The following KCND2 variants were observed in gnomAD, a reference collection of about 807,000 sequenced individuals.
The protein encoded by KCND2 is potassium voltage-gated channel subfamily D member 2.
In KCND2, 16 loss-of-function variants were observed where a neutral mutation model predicts 54.4. The ratio of observed to expected loss-of-function variants is 0.29; its 90% confidence interval spans 0.20 to 0.45. KCND2 has a LOEUF of 0.45. Ranked by LOEUF, KCND2 falls within the 20% of genes least tolerant of loss-of-function variation. The pLI is 1.00. For synonymous variants in KCND2, 317 were observed against 310.7 expected, an observed-to-expected ratio of 1.02 and a Z score of -0.21; for missense variants, 486 against 824.2, an observed-to-expected ratio of 0.59 and a Z score of 5.02.
intron 1 of KCND2, among the ~76,000 whole-genome samples, chr7:120,479,126 A>C (rs1301844648): frequency 6.6e-6 from 1 of 152,200 alleles, no homozygotes; most frequent in East Asian, 1.9e-4. Flanking sequence ...GTAGTGTTGC[A>C]GATGTGTTGT....
At chr7:120,411,179 A>G (rs1340072760) in intron 1 of KCND2, among the ~76,000 whole-genome samples, 1 of 152,002 alleles carries the variant, frequency 6.6e-6, no homozygotes, top group Non-Finnish European at 1.5e-5. Context: ...GAGTGTTTTA[A>G]TAATTTATCT....
chr7:120,584,770 G>GCA (rs376799993), intron 1 of KCND2, among the ~76,000 whole-genome samples: 8 of 152,132 alleles, frequency 5.3e-5, no homozygotes, highest in South Asian at 2.1e-4. Context: ...GCATGCGCGT[G>GCA]CACACACACA....
At chr7:120,615,676 A>G (rs547252384) in intron 1 of KCND2, among the ~76,000 whole-genome samples, 7 of 152,276 alleles carry the variant, frequency 4.6e-5, no homozygotes, top group African/African-American at 1.4e-4. Context: ...CATGTTCTTT[A>G]TCACCGTTTT....
intron 1 of KCND2, among the ~76,000 whole-genome samples, chr7:120,285,826 G>A (rs543334305): frequency 6.6e-6 from 1 of 152,040 alleles, no homozygotes; most frequent in African/African-American, 2.4e-5. Context: ...GAAAAAGAAT[G>A]TAGTTTAGAA....
intron 1 of KCND2, among the ~76,000 whole-genome samples, chr7:120,348,748 T>G (rs1478646080): frequency 6.6e-6 from 1 of 152,196 alleles, no homozygotes; most frequent in Non-Finnish European, 1.5e-5. Context: ...ATTGAATATG[T>G]TTTTAGGGAT....
intron 4 of KCND2, among the ~76,000 whole-genome samples, chr7:120,743,062 A>G (rs1418640915): frequency 6.6e-6 from 1 of 152,206 alleles, no homozygotes; most frequent in African/African-American, 2.4e-5. Flanking sequence ...ACCATAATGA[A>G]TAGAGATAGA....
chr7:120,588,459 C>T (rs1457196812), intron 1 of KCND2, among the ~76,000 whole-genome samples: 1 of 142,576 alleles, frequency 7.0e-6, no homozygotes, highest in Non-Finnish European at 1.5e-5. Context: ...GAGTGGGTTG[C>T]TCAGACAAGA....
chr7:120,448,238 T>C (rs1024572992), intron 1 of KCND2, among the ~76,000 whole-genome samples: 1 of 151,436 alleles, frequency 6.6e-6, no homozygotes, highest in African/African-American at 2.4e-5. Context: ...GTCCAAGTGT[T>C]CTCATTGTTC....
At chr7:120,666,806 C>T (rs573909241) in intron 1 of KCND2, among the ~76,000 whole-genome samples, 50 of 151,776 alleles carry the variant, frequency 3.3e-4, no homozygotes, top group African/African-American at 9.9e-4. Context: ...TATATCTTCT[C>T]TAAGTAATGC....
At chr7:120,595,665 G>A (rs1354227392) in intron 1 of KCND2, among the ~76,000 whole-genome samples, 2 of 147,164 alleles carry the variant, frequency 1.4e-5, no homozygotes, top group Non-Finnish European at 3.0e-5. Flanking sequence ...CTCAAATACT[G>A]CATTGGGCTT....
At chr7:120,335,590 A>G (rs1051274348) in intron 1 of KCND2, among the ~76,000 whole-genome samples, 5 of 151,456 alleles carry the variant, frequency 3.3e-5, no homozygotes, top group African/African-American at 1.2e-4. Context: ...GGTTCACGCC[A>G]TTCTCCTGCC....
chr7:120,643,909 T>C (rs894069728), intron 1 of KCND2, among the ~76,000 whole-genome samples: 81 of 151,130 alleles, frequency 5.4e-4, no homozygotes, highest in African/African-American at 1.9e-3. Flanking sequence ...ATTAATATAA[T>C]AATATTTTTA....
chr7:120,678,279 G>C (rs1262146146), intron 1 of KCND2, among the ~76,000 whole-genome samples: 1 of 147,694 alleles, frequency 6.8e-6, no homozygotes, highest in Non-Finnish European at 1.5e-5. Context: ...CAATTATATA[G>C]GACTCAGTAC....
At chr7:120,317,659 A>G (rs896842225) in intron 1 of KCND2, among the ~76,000 whole-genome samples, 3 of 152,196 alleles carry the variant, frequency 2.0e-5, no homozygotes, top group African/African-American at 7.2e-5. Flanking sequence ...TTTCATCCTT[A>G]TACTTCATCC....
At chr7:120,604,221 G>C (rs978585162) in intron 1 of KCND2, among the ~76,000 whole-genome samples, 4 of 151,906 alleles carry the variant, frequency 2.6e-5, no homozygotes, top group Admixed American at 1.3e-4. Flanking sequence ...TTAAACTAAG[G>C]CTGGGCACGG....
chr7:120,465,238 C>T (rs1459189480), intron 1 of KCND2, among the ~76,000 whole-genome samples: 1 of 152,070 alleles, frequency 6.6e-6, no homozygotes, highest in Non-Finnish European at 1.5e-5. Flanking sequence ...TCAAGTGATA[C>T]TTATCTTGGG....
At chr7:120,448,691 CAG>C (rs1802055967) in intron 1 of KCND2, among the ~76,000 whole-genome samples, 1 of 151,528 alleles carries the variant, frequency 6.6e-6, no homozygotes. Flanking sequence ...TACTGGCAAA[CAG>C]AATCCAGCAG....
chr7:120,483,249 C>G (rs1802632644), intron 1 of KCND2, among the ~76,000 whole-genome samples: 1 of 152,108 alleles, frequency 6.6e-6, no homozygotes, highest in South Asian at 2.1e-4. Flanking sequence ...AGGTATATGG[C>G]TTTCAACAAA....
chr7:120,746,147 A>T, intron 5 of KCND2, 120 bp downstream of exon 5: 8 of 1,162,048 alleles, frequency 6.9e-6, no homozygotes, highest in Non-Finnish European at 1.0e-5. Context: ...TCAGGAAGAG[A>T]CAAAAATGGT....
Sources: gnomAD v4.1 joint callset for allele counts (sites outside exome capture counted in the v4.1 genomes callset) on GRCh38, gnomAD v4.1.1 for gene constraint, MANE v1.5 for transcripts, NCBI Gene and HGNC (gene_info 2026-07-23, HGNC 2026-07-21) for gene names.